BMPR1B: variants seen among roughly 807,000 people sequenced by gnomAD.
The protein encoded by BMPR1B is bone morphogenetic protein receptor type-1B.
BMPR1B carries 12 observed loss-of-function variants against 59.1 expected under a neutral mutation model. That is an observed-to-expected ratio of 0.20 (90% CI 0.13 to 0.33). The LOEUF (loss-of-function observed/expected upper bound fraction) is 0.33. BMPR1B is among the 10% of genes least tolerant of loss of function. BMPR1B has a pLI of 1.00. For missense variants in BMPR1B, 550 were observed against 610.9 expected, an observed-to-expected ratio of 0.90 and a Z score of 1.05; for synonymous variants, 237 against 207.3, an observed-to-expected ratio of 1.14 and a Z score of -1.23.
At chr4:94,903,669 A>G (rs1171806743) in intron 2 of BMPR1B, among the ~76,000 whole-genome samples, 1 of 152,014 alleles carries the variant, frequency 6.6e-6, no homozygotes, top group Non-Finnish European at 1.5e-5. Flanking sequence ...ATGTGATTGT[A>G]TTTGGACATA....
chr4:95,020,453 C>A (rs917604344), intron 3 of BMPR1B, among the ~76,000 whole-genome samples: 9 of 152,010 alleles, frequency 5.9e-5, no homozygotes, highest in African/African-American at 2.2e-4. Flanking sequence ...GTGGTACATG[C>A]CTGTAGTCCC....
At chr4:94,976,533 C>A (rs1057047355) in intron 2 of BMPR1B, among the ~76,000 whole-genome samples, 3 of 152,188 alleles carry the variant, frequency 2.0e-5, no homozygotes, top group African/African-American at 7.2e-5. Context: ...TCAAACCCCC[C>A]ATGTCTTATT....
intron 2 of BMPR1B, among the ~76,000 whole-genome samples, chr4:94,886,741 C>T (rs1464401635): frequency 6.6e-6 from 1 of 152,172 alleles, no homozygotes; most frequent in African/African-American, 2.4e-5. Flanking sequence ...GTAAGTTCTG[C>T]AGTCCTTCAT....
At chr4:95,137,054 A>G (rs908972910) in intron 10 of BMPR1B, among the ~76,000 whole-genome samples, 16 of 152,182 alleles carry the variant, frequency 1.1e-4, no homozygotes, top group Admixed American at 2.6e-4. Context: ...ATTTAGTGCT[A>G]TGAATTTCCT....
chr4:94,922,244 G>T (rs1728717145), intron 2 of BMPR1B, among the ~76,000 whole-genome samples: 1 of 152,022 alleles, frequency 6.6e-6, no homozygotes, highest in Non-Finnish European at 1.5e-5. Flanking sequence ...CAAAATGCTG[G>T]GATTACAGGC....
chr4:94,962,042 A>G (rs1008878999), intron 2 of BMPR1B, among the ~76,000 whole-genome samples: 2 of 149,568 alleles, frequency 1.3e-5, no homozygotes, highest in African/African-American at 5.0e-5. Context: ...ACTAGATTTT[A>G]TTCTTTCTTT....
intron 1 of BMPR1B, among the ~76,000 whole-genome samples, chr4:94,870,474 A>G (rs1189608004): frequency 1.3e-5 from 2 of 150,482 alleles, no homozygotes; most frequent in South Asian, 2.1e-4. Context: ...TTCTGCTATA[A>G]AAGAAACTGT....
intron 2 of BMPR1B, among the ~76,000 whole-genome samples, chr4:94,965,508 T>C (rs552626557): frequency 6.6e-6 from 1 of 152,292 alleles, no homozygotes; most frequent in African/African-American, 2.4e-5. Flanking sequence ...TCCATTTGTT[T>C]TCTGGCCTGG....
intron 2 of BMPR1B, among the ~76,000 whole-genome samples, chr4:94,942,235 AAGAC>A (rs1560558893): frequency 6.6e-6 from 1 of 152,220 alleles, no homozygotes; most frequent in Non-Finnish European, 1.5e-5. Context: ...GATTCAATGA[AAGAC>A]AGAATTCTCT....
intron 3 of BMPR1B, among the ~76,000 whole-genome samples, chr4:95,069,120 T>G (rs1329235246): frequency 1.3e-5 from 2 of 152,190 alleles, no homozygotes; most frequent in Non-Finnish European, 2.9e-5. Context: ...TAAGAATCTA[T>G]CGACACCATT....
At chr4:95,007,585 A>G (rs546223628) in intron 3 of BMPR1B, among the ~76,000 whole-genome samples, 25 of 152,360 alleles carry the variant, frequency 1.6e-4, no homozygotes, top group Admixed American at 3.3e-4. Context: ...TAAGGTTCTT[A>G]TAAATTATAA....
chr4:94,822,836 A>G (rs1176561230), intron 1 of BMPR1B, among the ~76,000 whole-genome samples: 1 of 152,144 alleles, frequency 6.6e-6, no homozygotes, highest in African/African-American at 2.4e-5. Context: ...TGCCAAGCCA[A>G]TGGGAAGGAT....
intron 10 of BMPR1B, among the ~76,000 whole-genome samples, chr4:95,145,022 A>G (rs1734542029): frequency 6.6e-6 from 1 of 152,196 alleles, no homozygotes; most frequent in South Asian, 2.1e-4. Context: ...TTAGAAATAT[A>G]TATACTTATA....
intron 3 of BMPR1B, among the ~76,000 whole-genome samples, chr4:95,053,281 T>TTGTGTGTGTGTGCG (rs1726647083): frequency 7.4e-6 from 1 of 134,252 alleles, no homozygotes; most frequent in Non-Finnish European, 1.6e-5. Context: ...TGCAGGGCAC[T>TTGTGTGTGTGTGCG]TGTGTGTGTG....
chr4:94,940,315 T>C (rs543869166), intron 2 of BMPR1B, among the ~76,000 whole-genome samples: 3 of 152,280 alleles, frequency 2.0e-5, no homozygotes, highest in Admixed American at 6.5e-5. Flanking sequence ...ATTTTTGCAA[T>C]TTTTCATTTT....
chr4:94,939,068 G>A (rs1249626296), intron 2 of BMPR1B, among the ~76,000 whole-genome samples: 1 of 152,102 alleles, frequency 6.6e-6, no homozygotes, highest in Non-Finnish European at 1.5e-5. Flanking sequence ...TCCATGATCT[G>A]AACTCCGAGC....
At chr4:94,916,593 C>T (rs1200991807) in intron 2 of BMPR1B, among the ~76,000 whole-genome samples, 1 of 152,144 alleles carries the variant, frequency 6.6e-6, no homozygotes, top group Admixed American at 6.5e-5. Context: ...TAACAACCTA[C>T]ACTCAGATGC....
At chr4:95,048,552 A>G (rs1435792690) in intron 3 of BMPR1B, among the ~76,000 whole-genome samples, 1 of 152,088 alleles carries the variant, frequency 6.6e-6, no homozygotes, top group Non-Finnish European at 1.5e-5. Context: ...TCTGATAGTG[A>G]TGTTGAACAT....
At chr4:95,030,131 T>G (rs1724720775) in intron 3 of BMPR1B, among the ~76,000 whole-genome samples, 1 of 151,678 alleles carries the variant, frequency 6.6e-6, no homozygotes, top group African/African-American at 2.4e-5. Flanking sequence ...TGAGATCCCA[T>G]TTGTCAATTT....
Sources: gnomAD v4.1 joint callset for allele counts (sites outside exome capture counted in the v4.1 genomes callset) on GRCh38, gnomAD v4.1.1 for gene constraint, MANE v1.5 for transcripts, NCBI Gene and HGNC (gene_info 2026-07-23, HGNC 2026-07-21) for gene names.